The following ZNF680 variants were observed in gnomAD, a reference collection of about 807,000 sequenced individuals.
ZNF680 encodes zinc finger protein 680.
Under a neutral mutation model 12.1 loss-of-function variants are expected in ZNF680, and 6 were observed. The observed-to-expected ratio is 0.49, with a 90% CI of 0.27 to 0.98. ZNF680 has a LOEUF of 0.98. Among genes scored for constraint, ZNF680 ranks in the 50% least tolerant of loss-of-function variants. ZNF680 has a pLI of 0.12. For missense variants in ZNF680, 561 were observed against 616.3 expected, an observed-to-expected ratio of 0.91 and a Z score of 0.95; for synonymous variants, 170 against 199.3, an observed-to-expected ratio of 0.85 and a Z score of 1.24.
intron 3 of ZNF680, among the ~76,000 whole-genome samples, chr7:64,538,489 C>T (rs1304444324): frequency 2.0e-5 from 3 of 151,788 alleles, no homozygotes; most frequent in African/African-American, 7.3e-5. Context: ...GATACAAATG[C>T]AAAAAAGCAT....
At chr7:64,525,234 C>T (rs1234039340) in intron 3 of ZNF680, 1 of 152,124 alleles carries the variant, frequency 6.6e-6, no homozygotes, top group Non-Finnish European at 1.5e-5. Context: ...CATATATAAA[C>T]TTACACATAT....
the ZNF680 span, among the ~76,000 whole-genome samples, chr7:64,506,415 C>T: frequency 6.6e-6 from 1 of 152,148 alleles, no homozygotes; most frequent in Non-Finnish European, 1.5e-5. Context: ...GTCTCGATCT[C>T]CTGACCTTGT....
rs549664337 is a variant in ZNF680, at chr7:64,519,955, T to C, written c.*1206A>G. 1.3e-5 allele frequency: 2 copies of C among 152,008 alleles called. No individual in the cohort carries two copies. Among genetic ancestry groups the C allele is most frequent in the Admixed American group, 6.5e-5 (1 of 15,270 alleles). 9.4% of individuals were successfully genotyped at this position (152,008 alleles called of 1,614,324 possible). ...AAAATTTTCAAATGTACTGCATTTA[T>C]AGCATAAAAGTACAATTAGTAAAAT... On this transcript the variant is annotated 3_prime_UTR_variant, in exon 4 of 4. Coordinates refer to ENST00000309683, the MANE Select transcript of ZNF680 (RefSeq NM_178558.5).
At chr7:64,510,210 G>T in the ZNF680 span, among the ~76,000 whole-genome samples, 2 of 125,522 alleles carry the variant, frequency 1.6e-5, no homozygotes, top group African/African-American at 6.5e-5. Context: ...AAGTCTTGGT[G>T]ATCCCATAAA....
intron 1 of ZNF680, among the ~76,000 whole-genome samples, chr7:64,561,833 G>A (rs1307747647): frequency 1.3e-5 from 2 of 151,286 alleles, no homozygotes; most frequent in East Asian, 1.9e-4. Flanking sequence ...TACTCAGGAG[G>A]CTGAGGCAGG....
intron 1 of ZNF680, among the ~76,000 whole-genome samples, chr7:64,549,449 G>A (rs951626835): frequency 4.6e-5 from 7 of 152,220 alleles, no homozygotes; most frequent in Admixed American, 4.6e-4. Context: ...AGATGTCTAT[G>A]TTGACATCTC....
chr7:64,530,767 A>G (rs2116418538), intron 3 of ZNF680, among the ~76,000 whole-genome samples: 1 of 151,982 alleles, frequency 6.6e-6, no homozygotes, highest in Non-Finnish European at 1.5e-5. Context: ...GCTGAGGAGG[A>G]GAACTGCTTG....
In ZNF680 at chr7:64,544,325, G is replaced by A; in HGVS notation, c.138C>T (p.Tyr46=). The change falls in exon 2 of 4, where the codon TAC becomes TAT. Residue 46 remains tyrosine, a synonymous_variant. Transcript: ENST00000309683. ...CCTCACCCAGGAAGACCAGGTTTCT[G>A]TAGTTCTCAAACATCACTTTCCTAT... ...NLYRKVMFEN[Y]RNLVFLGIAV... The A allele has an allele frequency of 1.2e-6, 2 of 1,603,128 alleles. No individual in the cohort carries two copies. The highest frequency in any genetic ancestry group is 1.7e-6 in the Non-Finnish European group (2 of 1,173,208).
chr7:64,501,580 G>A, the ZNF680 span: 28 of 762,382 alleles, frequency 3.7e-5, no homozygotes, highest in Non-Finnish European at 5.7e-5. Context: ...TCTGAGGGGG[G>A]CGCAGATGAC....
At chr7:64,509,277 C>T in the ZNF680 span, among the ~76,000 whole-genome samples, 9 of 152,226 alleles carry the variant, frequency 5.9e-5, no homozygotes, top group Admixed American at 1.3e-4. Context: ...TGCCCAAAAC[C>T]TCTCATCTTC....
chr7:64,503,283 T>TAC, the ZNF680 span, among the ~76,000 whole-genome samples: 102,649 of 151,680 alleles, frequency 0.68, 35,705 homozygotes, highest in African/African-American at 0.85. Context: ...AGCACACATA[T>TAC]AGTTTTGTTC....
intron 1 of ZNF680, among the ~76,000 whole-genome samples, chr7:64,551,176 C>A (rs1042668978): frequency 6.6e-6 from 1 of 152,124 alleles, no homozygotes; most frequent in African/African-American, 2.4e-5. Flanking sequence ...TATATAATTA[C>A]AAAATAAACT....
At chr7:64,542,334 ATACTT>A (rs1162963040) in intron 3 of ZNF680, among the ~76,000 whole-genome samples, 1 of 152,224 alleles carries the variant, frequency 6.6e-6, no homozygotes, top group Non-Finnish European at 1.5e-5. Flanking sequence ...CCCACTGTAA[ATACTT>A]TATTTTAACA....
In ZNF680 at chr7:64,546,515, G is replaced by A. The variant is rs148568382; in HGVS notation, c.31-2083C>T. The stretch of plus-strand genomic sequence containing the variant: ...CTAGCATACCGGGAGGCCGAGGCAG[G>A]TGGATTGCCCGAGCTCAGGAATTCG... On this transcript the variant is annotated intron_variant, in intron 1 of 3. Coordinates refer to ENST00000309683, the MANE Select transcript of ZNF680 (RefSeq NM_178558.5). Among the ~76,000 whole-genome samples the A allele has an allele frequency of 1.1e-4, 16 of 152,332 alleles. No homozygotes were observed. The East Asian group carries it at 2.7e-3, about 26-fold the overall frequency.
At chr7:64,526,472 C>T in intron 3 of ZNF680, 1 of 1,284,476 alleles carries the variant, frequency 7.8e-7, no homozygotes, top group South Asian at 1.4e-5. Flanking sequence ...AGTAAGATAA[C>T]TTGAGACCAG....
chr7:64,536,738 G>A (rs1199154728), intron 3 of ZNF680, among the ~76,000 whole-genome samples: 2 of 152,316 alleles, frequency 1.3e-5, no homozygotes, highest in East Asian at 1.9e-4. Context: ...TTTGCACCTA[G>A]TGTATTCTGT....
intron 1 of ZNF680, among the ~76,000 whole-genome samples, chr7:64,548,848 C>T (rs1488439199): frequency 2.0e-5 from 3 of 151,930 alleles, no homozygotes; most frequent in Non-Finnish European, 4.4e-5. Flanking sequence ...ACTGGCCGGG[C>T]GCGGTGGCTC....
intron 3 of ZNF680, among the ~76,000 whole-genome samples, chr7:64,536,198 T>C (rs1299217889): frequency 6.6e-6 from 1 of 152,020 alleles, no homozygotes; most frequent in African/African-American, 2.4e-5. Context: ...TAATAAAAAA[T>C]TAAGAGAAAA....
chr7:64,533,423 C>A lies in ZNF680; in HGVS notation c.253+10284G>T, dbSNP rs188850242. Reference sequence around the variant, plus strand: ...AACTCAACCCCTTTTACAGTAGCTGCAAAAATAATAAAATACTTAGAAATA... The same window carrying A: ...AACTCAACCCCTTTTACAGTAGCTGAAAAAATAATAAAATACTTAGAAATA... On this transcript the variant is annotated intron_variant, in intron 3 of 3. Coordinates refer to ENST00000309683, the MANE Select transcript of ZNF680 (RefSeq NM_178558.5). Among the ~76,000 whole-genome samples, 1,288 of 152,008 alleles carry A rather than the reference C, an allele frequency of 8.5e-3. 14 individuals are homozygous for A. The highest frequency in any genetic ancestry group is 0.03 in the African/African-American group (1,242 of 41,454).
Sources: gnomAD v4.1 joint callset for allele counts (sites outside exome capture counted in the v4.1 genomes callset) on GRCh38, gnomAD v4.1.1 for gene constraint, MANE v1.5 for transcripts, NCBI Gene and HGNC (gene_info 2026-07-23, HGNC 2026-07-21) for gene names.